SLC16A7: variants seen among roughly 807,000 people sequenced by gnomAD.
The protein encoded by SLC16A7 is monocarboxylate transporter 2.
A neutral mutation model predicts 34.9 loss-of-function variants in SLC16A7; 33 were observed. The ratio of observed to expected loss-of-function variants is 0.94; its 90% CI spans 0.72 to 1.26. SLC16A7 has a LOEUF of 1.26. SLC16A7 is among the 50% of genes most tolerant of loss of function. The pLI is 0.00. For missense variants in SLC16A7, 573 were observed against 578.1 expected (o/e 0.99, Z 0.09); for synonymous variants, 201 against 206.6 (o/e 0.97, Z 0.23).
At chr12:59,657,701 C>T (rs1374053823) in intron 2 of SLC16A7, among the ~76,000 whole-genome samples, 1 of 151,798 alleles carries the variant, frequency 6.6e-6, no homozygotes, top group Non-Finnish European at 1.5e-5. Flanking sequence ...TGGCTATATC[C>T]CAAGGGACAA....
At chr12:59,627,836 C>T (rs1289630506) in intron 1 of SLC16A7, among the ~76,000 whole-genome samples, 1 of 151,194 alleles carries the variant, frequency 6.6e-6, no homozygotes, top group Non-Finnish European at 1.5e-5. Flanking sequence ...CCTAACTCAT[C>T]TCTTTACCAG....
chr12:59,604,356 A>C (rs1208359040), intron 1 of SLC16A7, among the ~76,000 whole-genome samples: 3 of 152,250 alleles, frequency 2.0e-5, no homozygotes, highest in African/African-American at 7.2e-5. Flanking sequence ...TGAATAAACC[A>C]CTGGAGGATG....
chr12:59,682,103 G>C (rs889793523), intron 2 of SLC16A7, among the ~76,000 whole-genome samples: 2 of 152,134 alleles, frequency 1.3e-5, no homozygotes, highest in Non-Finnish European at 2.9e-5. Context: ...TTACCTAGCT[G>C]TACTTAGTAC....
chr12:59,636,002 T>TAA (rs5798503), intron 1 of SLC16A7, among the ~76,000 whole-genome samples: 1 of 144,310 alleles, frequency 6.9e-6, no homozygotes. Context: ...TGCACTTCTG[T>TAA]AAAAAAAAAA....
intron 3 of SLC16A7, among the ~76,000 whole-genome samples, chr12:59,757,112 G>A (rs1191310308): frequency 1.7e-5 from 2 of 114,496 alleles, no homozygotes; most frequent in African/African-American, 3.3e-5. Context: ...GTTGTGGGGT[G>A]GGGGGAGGGG....
At chr12:59,664,395 C>T (rs972638000) in intron 2 of SLC16A7, among the ~76,000 whole-genome samples, 2 of 151,968 alleles carry the variant, frequency 1.3e-5, no homozygotes, top group African/African-American at 4.8e-5. Flanking sequence ...AGTGGCTGAC[C>T]ATGTAGGGAG....
intron 2 of SLC16A7, among the ~76,000 whole-genome samples, chr12:59,671,104 T>A (rs756189332): frequency 6.6e-6 from 1 of 152,204 alleles, no homozygotes; most frequent in Non-Finnish European, 1.5e-5. Context: ...TAAATCTGCA[T>A]CTCTATTCCT....
intron 3 of SLC16A7, among the ~76,000 whole-genome samples, chr12:59,765,892 G>C (rs1169539687): frequency 2.0e-5 from 3 of 152,036 alleles, no homozygotes; most frequent in Non-Finnish European, 4.4e-5. Flanking sequence ...AGCTTGATGG[G>C]GATGGCATTG....
At chr12:59,761,561 C>T (rs1220741796) in intron 3 of SLC16A7, among the ~76,000 whole-genome samples, 1 of 152,056 alleles carries the variant, frequency 6.6e-6, no homozygotes, top group Non-Finnish European at 1.5e-5. Context: ...TCTAACTAAT[C>T]ACAATGATAC....
chr12:59,603,530 G>A (rs1479283492), intron 1 of SLC16A7, among the ~76,000 whole-genome samples: 4 of 152,106 alleles, frequency 2.6e-5, no homozygotes, highest in Non-Finnish European at 4.4e-5. Context: ...AAGAAGTTGA[G>A]CTTAAACACC....
At chr12:59,722,707 C>T (rs1875752065) in intron 3 of SLC16A7, among the ~76,000 whole-genome samples, 1 of 151,950 alleles carries the variant, frequency 6.6e-6, no homozygotes, top group Admixed American at 6.6e-5. Flanking sequence ...AATCACCTCT[C>T]ATAGAGGTCT....
intron 2 of SLC16A7, among the ~76,000 whole-genome samples, chr12:59,703,092 G>A (rs1014753632): frequency 1.3e-5 from 2 of 151,932 alleles, no homozygotes; most frequent in South Asian, 2.1e-4. Flanking sequence ...ATCCATTTTT[G>A]TATACCTATA....
intron 1 of SLC16A7, among the ~76,000 whole-genome samples, chr12:59,612,147 T>C (rs1879225495): frequency 1.3e-5 from 2 of 152,258 alleles, no homozygotes; most frequent in Non-Finnish European, 2.9e-5. Flanking sequence ...AGTTTCTCCA[T>C]GAGGGCCTTG....
Position 59,781,276 on chromosome 12 carries a change from A to C in SLC16A7, c.*1597A>C, listed in dbSNP as rs1383342784. The C allele has an allele frequency of 6.9e-6, 1 of 145,158 alleles. No individual in the cohort carries two copies. The highest frequency in any genetic ancestry group is 1.9e-4 in the East Asian group (1 of 5,178). The allele number at this position is 145,158 out of a possible 1,614,324, so 9.0% of individuals were successfully genotyped here. A position where few individuals can be genotyped will look rare whatever the true frequency, so the allele number is the denominator to read the frequency against. On this transcript the variant is annotated 3_prime_UTR_variant, in exon 6 of 6. Transcript: ENST00000547379. ...TACAATATTTATATCTATAAATCTG[A>C]AGTTTAACATGATTAATTTAAAAAG... is the stretch of plus-strand genomic sequence containing the variant.
chr12:59,687,012 A>G (rs1437089539), intron 2 of SLC16A7, among the ~76,000 whole-genome samples: 3 of 152,038 alleles, frequency 2.0e-5, no homozygotes, highest in Non-Finnish European at 1.5e-5. Flanking sequence ...TTCAGAATGT[A>G]TACATATAGC....
intron 2 of SLC16A7, among the ~76,000 whole-genome samples, chr12:59,661,623 C>T (rs947711099): frequency 1.3e-5 from 2 of 151,974 alleles, no homozygotes; most frequent in African/African-American, 4.8e-5. Context: ...TTAAATGTAC[C>T]ATGTACTCAA....
chr12:59,774,853 G>T lies in SLC16A7; in HGVS notation c.558G>T (p.Leu186Phe). The change falls in exon 5 of 6, where the codon TTG becomes TTT. Residue 186 changes from leucine to phenylalanine, a missense_variant. By Grantham distance (22) the Leu-to-Phe change is conservative (BLOSUM62 0). Coordinates refer to ENST00000547379, the MANE Select transcript of SLC16A7 (RefSeq NM_001270623.2). ...TCCTGATTTTGGGAAGTCTACTTTTGAATGCCTGTGTGGCTGGTTCCCTCA... is the reference window on the plus strand; with the variant it reads ...TCCTGATTTTGGGAAGTCTACTTTTTAATGCCTGTGTGGCTGGTTCCCTCA... ...GSFLILGSLL[L>F]NACVAGSLMR... 1.9e-6 allele frequency: 3 copies of T among 1,613,806 alleles called. No homozygotes were observed. Among genetic ancestry groups the T allele is most frequent in the Non-Finnish European group, 2.5e-6 (3 of 1,179,918 alleles).
intron 3 of SLC16A7, among the ~76,000 whole-genome samples, chr12:59,755,328 A>G (rs1020365817): frequency 1.1e-4 from 17 of 152,288 alleles, no homozygotes; most frequent in African/African-American, 3.8e-4. Flanking sequence ...CCTGTTTGCA[A>G]ATGACATGAT....
At chr12:59,597,240 C>G (rs1187273028) in intron 1 of SLC16A7, 3 of 150,830 alleles carry the variant, frequency 2.0e-5, no homozygotes, top group South Asian at 2.1e-4. Context: ...CACACACACA[C>G]ACACACACAC....
Sources: gnomAD v4.1 joint callset for allele counts (sites outside exome capture counted in the v4.1 genomes callset) on GRCh38, gnomAD v4.1.1 for gene constraint, MANE v1.5 for transcripts, NCBI Gene and HGNC (gene_info 2026-07-23, HGNC 2026-07-21) for gene names.